The following CREG2 variants were observed in gnomAD, a reference collection of about 807,000 sequenced individuals.
CREG2 encodes the protein cellular repressor of E1A stimulated genes 2.
CREG2 carries 24 observed loss-of-function variants against 26.2 expected under a neutral mutation model. The ratio of observed to expected loss-of-function variants is 0.92; its 90% CI spans 0.66 to 1.29. The LOEUF (loss-of-function observed/expected upper bound fraction) is 1.29. CREG2 is among the 50% of genes most tolerant of loss of function. The pLI, the probability that CREG2 is intolerant of heterozygous loss-of-function variation, is 0.00. For missense variants in CREG2, 366 were observed against 398.6 expected (o/e 0.92, Z 0.70); for synonymous variants, 174 against 169.2 (o/e 1.03, Z -0.22).
chr2:101,355,481 G>A (rs1482909226), intron 2 of CREG2, 115 bp from the exon 3 acceptor site: 4 of 665,776 alleles, frequency 6.0e-6, no homozygotes, highest in African/African-American at 1.8e-5. Context: ...TATCATTCAG[G>A]TTATGGATAT....
At chr2:101,352,028 G>C (rs1385759734) in intron 3 of CREG2, among the ~76,000 whole-genome samples, 2 of 142,386 alleles carry the variant, frequency 1.4e-5, no homozygotes, top group Non-Finnish European at 3.0e-5. Context: ...GTGCCACCAT[G>C]CCTGGCTAAT....
intron 2 of CREG2, among the ~76,000 whole-genome samples, chr2:101,362,268 C>T (rs1250629580): frequency 6.6e-6 from 1 of 151,954 alleles, no homozygotes; most frequent in Non-Finnish European, 1.5e-5. Context: ...ACAAAGGAGC[C>T]ACCCTTAAAA....
In CREG2 at chr2:101,351,086, G is replaced by C. The variant is rs1160482405; in HGVS notation, c.726-16C>G. Reference sequence around the variant, plus strand: ...CCCTGGGTGCCTGCAGGAATAAAGAGAGACCACAGTAAAGCTGCTCTTATC... The same window carrying C: ...CCCTGGGTGCCTGCAGGAATAAAGACAGACCACAGTAAAGCTGCTCTTATC... On this transcript the variant is annotated splice_polypyrimidine_tract_variant and intron_variant, in intron 3 of 3. Coordinates refer to ENST00000324768, the MANE Select transcript of CREG2 (RefSeq NM_153836.4). 1.2e-6 allele frequency: 2 copies of C among 1,613,106 alleles called. No homozygotes were observed. The highest frequency in any genetic ancestry group is 1.1e-5 in the South Asian group (1 of 90,908).
chr2:101,351,186 C>G (rs1684376321), intron 3 of CREG2, 116 bp from the exon 4 acceptor site: 2 of 968,936 alleles, frequency 2.1e-6, no homozygotes, highest in Non-Finnish European at 3.0e-6. Flanking sequence ...CTGCTCACAT[C>G]AGCCAGAGGC....
chr2:101,383,827 T>A, intron 1 of CREG2, 125 bp from the exon 2 acceptor site: 1 of 853,904 alleles, frequency 1.2e-6, no homozygotes, highest in Non-Finnish European at 1.8e-6. Context: ...GGCATCACAG[T>A]GGCTCTGACA....
chr2:101,368,494 C>G (rs760743354), intron 2 of CREG2, among the ~76,000 whole-genome samples: 3 of 152,172 alleles, frequency 2.0e-5, no homozygotes, highest in African/African-American at 4.8e-5. Context: ...GGGCTGCAGA[C>G]AGCAAGAAAG....
At chr2:101,357,514 G>A (rs1314424826) in intron 2 of CREG2, among the ~76,000 whole-genome samples, 2 of 152,178 alleles carry the variant, frequency 1.3e-5, no homozygotes, top group East Asian at 3.9e-4. Context: ...GTCCATAAGT[G>A]TTTGGGAAGA....
intron 2 of CREG2, among the ~76,000 whole-genome samples, chr2:101,361,124 G>A (rs1040558717): frequency 6.6e-6 from 1 of 152,068 alleles, no homozygotes; most frequent in African/African-American, 2.4e-5. Context: ...ATTTACATAG[G>A]GAGCATTTTT....
At chr2:101,369,236 A>G (rs1180334812) in intron 2 of CREG2, among the ~76,000 whole-genome samples, 2 of 152,142 alleles carry the variant, frequency 1.3e-5, no homozygotes, top group African/African-American at 4.8e-5. Context: ...AGTGATGCCA[A>G]GGGCTTGGGC....
Position 101,366,766 on chromosome 2 carries a change from G to A in CREG2, c.612-11400C>T, listed in dbSNP as rs560810056. On this transcript the variant is annotated intron_variant, in intron 2 of 3. Transcript: ENST00000324768. ...GAACCCAGGAGATGGAGGTTGCAGT[G>A]AGCCGAGATCGCGCCACTGCATTCC... Among the ~76,000 whole-genome samples, 9 of 152,230 alleles carry A rather than the reference G, an allele frequency of 5.9e-5. No individual in the cohort carries two copies. In the East Asian group the frequency reaches 1.7e-3, roughly 29 times the overall value.
At position 101,350,867 on chromosome 2, in the gene CREG2, A is replaced by C. The variant is rs1684371006; in HGVS notation, c.*56T>G. ...CAGTGGTCAATAGCTGTCTGGCTGC[A>C]TCACTGAAAAGGTTTTCATTTAAGT... On this transcript the variant is annotated 3_prime_UTR_variant, in exon 4 of 4. Coordinates refer to ENST00000324768, the MANE Select transcript of CREG2 (RefSeq NM_153836.4). 1 of 1,576,570 alleles carries C rather than the reference A, an allele frequency of 6.3e-7. No homozygotes were observed.
intron 2 of CREG2, among the ~76,000 whole-genome samples, chr2:101,362,729 G>A (rs1558816060): frequency 6.6e-6 from 1 of 152,198 alleles, no homozygotes; most frequent in Non-Finnish European, 1.5e-5. Context: ...TCAGGCCAGT[G>A]GACATTCTTT....
chr2:101,354,492 G>C (rs1391468688), intron 3 of CREG2, among the ~76,000 whole-genome samples: 3 of 152,044 alleles, frequency 2.0e-5, no homozygotes, highest in African/African-American at 7.2e-5. Context: ...CGCCCCTCCA[G>C]CTCAACACTT....
intron 2 of CREG2, among the ~76,000 whole-genome samples, chr2:101,371,654 G>A (rs1261818326): frequency 6.6e-6 from 1 of 152,182 alleles, no homozygotes; most frequent in Admixed American, 6.5e-5. Flanking sequence ...ATTTTACAGG[G>A]GAAGCTTTGC....
intron 2 of CREG2, among the ~76,000 whole-genome samples, chr2:101,364,513 T>C (rs968289294): frequency 1.3e-5 from 2 of 152,192 alleles, no homozygotes; most frequent in Non-Finnish European, 2.9e-5. Context: ...AGGAGTGAGT[T>C]GCCTCGTGTG....
At position 101,382,936 on chromosome 2, in the gene CREG2, C is replaced by T. The variant is rs536097915; in HGVS notation, c.611+597G>A. On this transcript the variant is annotated intron_variant, in intron 2 of 3. Coordinates refer to ENST00000324768, the MANE Select transcript of CREG2 (RefSeq NM_153836.4). Reference sequence around the variant, plus strand: ...ATGCAGACATTTCCCGGGGAGGATGCGAGTTCAGGCTTTGCATTTTGAATT... The same window carrying T: ...ATGCAGACATTTCCCGGGGAGGATGTGAGTTCAGGCTTTGCATTTTGAATT... 16 of 985,626 alleles carry T rather than the reference C, an allele frequency of 1.6e-5. 1 individual carries two copies. The South Asian group carries it at 3.3e-4, about 20-fold the overall frequency. 61.1% of individuals were successfully genotyped at this position (985,626 alleles called of 1,614,324 possible). A position where few individuals can be genotyped will look rare whatever the true frequency, so the allele number is the denominator to read the frequency against.
At chr2:101,375,029 G>C (rs1282717040) in intron 2 of CREG2, among the ~76,000 whole-genome samples, 1 of 152,154 alleles carries the variant, frequency 6.6e-6, no homozygotes, top group East Asian at 1.9e-4. Flanking sequence ...CACAGAAGCA[G>C]TTCCTCTTCC....
At position 101,387,232 on chromosome 2, in the gene CREG2, CG is replaced by C; in HGVS notation, c.225del (p.Ala76ProfsTer100). 2.1e-6 allele frequency: 3 copies of C among 1,432,994 alleles called. No homozygotes were observed. The highest frequency in any genetic ancestry group is 3.0e-5 in the East Asian group (1 of 32,984). 88.8% of individuals were successfully genotyped at this position (1,432,994 alleles called of 1,614,324 possible). ...TGCGCGTCCTCCTTGTGGGCAGAGG[CG>C]GGGAAGCTTTGCTGCCAGATGCTGC... is the stretch of plus-strand genomic sequence containing the variant. ...DSGSIWQQSF[P>X]ASAHKEDAHL... On this transcript the variant is annotated frameshift_variant, in exon 1 of 4. Transcript: ENST00000324768. LOFTEE classifies it high-confidence loss of function. This position sits in a 1 kb window ranked among gnomAD's most constrained non-coding sequence, Gnocchi z 4.7.
At chr2:101,385,011 A>T (rs566290804) in intron 1 of CREG2, among the ~76,000 whole-genome samples, 1 of 152,190 alleles carries the variant, frequency 6.6e-6, no homozygotes. Context: ...ATGCTGCACC[A>T]TGCTTTCTGA....
Sources: allele counts gnomAD v4.1 joint callset (sites outside exome capture counted in the v4.1 genomes callset), GRCh38; gene constraint gnomAD v4.1.1; non-coding constraint Gnocchi (gnomAD v3.1); transcripts MANE v1.5; gene names NCBI Gene and HGNC (gene_info 2026-07-23, HGNC 2026-07-21).